The following TMEM132C variants were observed in gnomAD, a reference collection of about 807,000 sequenced individuals.
TMEM132C encodes the protein protein phosphatase 1, regulatory subunit 152.
Under a neutral mutation model 61.4 loss-of-function variants are expected in TMEM132C, and 29 were observed. The ratio of observed to expected loss-of-function variants is 0.47; its 90% CI spans 0.35 to 0.64. TMEM132C has a LOEUF of 0.64. Ranked by LOEUF, TMEM132C falls within the 30% of genes least tolerant of loss-of-function variation. TMEM132C has a pLI of 0.00. For missense variants in TMEM132C, 1,408 were observed against 1,476.9 expected (o/e 0.95, Z 0.76); for synonymous variants, 656 against 633.1 (o/e 1.04, Z -0.54).
At chr12:128,352,259 G>T (rs918422251) in intron 1 of TMEM132C, among the ~76,000 whole-genome samples, 18 of 152,162 alleles carry the variant, frequency 1.2e-4, no homozygotes, top group African/African-American at 3.6e-4. Flanking sequence ...ATGGCAGAAG[G>T]GGGAGCAAAC....
At position 128,357,988 on chromosome 12, in the gene TMEM132C, C is replaced by T. The variant is rs184853303; in HGVS notation, c.86-56744C>T. Among the ~76,000 whole-genome samples the T allele has an allele frequency of 1.8e-3, 273 of 152,194 alleles. 2 individuals carry two copies. Among genetic ancestry groups the T allele is most frequent in the Middle Eastern group, 0.01 (3 of 294 alleles). The stretch of plus-strand genomic sequence containing the variant: ...CTCAGGGGCCAGGAGTGTCCTTGGT[C>T]CCCGGGGGTTTTGTGTCGGCATCAT... On this transcript the variant is annotated intron_variant, in intron 1 of 8. Coordinates refer to ENST00000435159, the MANE Select transcript of TMEM132C (RefSeq NM_001136103.3).
intron 2 of TMEM132C, among the ~76,000 whole-genome samples, chr12:128,416,463 ATG>A (rs766666375): frequency 6.6e-6 from 1 of 152,196 alleles, no homozygotes; most frequent in Non-Finnish European, 1.5e-5. Context: ...TGGGATAAAA[ATG>A]TTTTTTTCTT....
chr12:128,597,574 A>G (rs11834703), intron 3 of TMEM132C, among the ~76,000 whole-genome samples: 15,971 of 152,196 alleles, frequency 0.1, 2,833 homozygotes, highest in African/African-American at 0.36. Context: ...ACATAGATTC[A>G]TTATCTTATT....
At chr12:128,690,609 A>C (rs944837935) in intron 5 of TMEM132C, among the ~76,000 whole-genome samples, 2 of 152,212 alleles carry the variant, frequency 1.3e-5, no homozygotes, top group African/African-American at 4.8e-5. Flanking sequence ...AGAAGTGATT[A>C]CTGATATAAC....
intron 1 of TMEM132C, among the ~76,000 whole-genome samples, chr12:128,293,804 G>T (rs1011640351): frequency 1.3e-5 from 2 of 152,044 alleles, no homozygotes; most frequent in Non-Finnish European, 2.9e-5. Context: ...TATATTTCCC[G>T]CATCGTCTCT....
chr12:128,504,789 G>A (rs964319562), intron 2 of TMEM132C, among the ~76,000 whole-genome samples: 3 of 111,756 alleles, frequency 2.7e-5, no homozygotes, highest in Non-Finnish European at 5.0e-5. Context: ...TGAGGGTTAG[G>A]GCTTAAATTA....
chr12:128,515,592 G>A (rs187811099), intron 2 of TMEM132C, among the ~76,000 whole-genome samples: 3 of 152,314 alleles, frequency 2.0e-5, no homozygotes, highest in Non-Finnish European at 4.4e-5. Flanking sequence ...CCAGCACTTT[G>A]GGAGGCCGAG....
chr12:128,284,533 A>G (rs577230677), intron 1 of TMEM132C, among the ~76,000 whole-genome samples: 1 of 152,332 alleles, frequency 6.6e-6, no homozygotes, highest in African/African-American at 2.4e-5. Flanking sequence ...TGTGAAGCCA[A>G]TCCACATCAA....
chr12:128,527,741 C>T (rs976917888), intron 2 of TMEM132C, among the ~76,000 whole-genome samples: 28 of 145,146 alleles, frequency 1.9e-4, no homozygotes, highest in African/African-American at 7.2e-4. Context: ...GTGTTACATC[C>T]ATACCATTTC....
intron 3 of TMEM132C, among the ~76,000 whole-genome samples, chr12:128,551,487 C>T (rs1036092027): frequency 1.3e-5 from 2 of 152,156 alleles, no homozygotes; most frequent in South Asian, 2.1e-4. Flanking sequence ...CTGAGCATCT[C>T]GGCAGTCAGG....
At chr12:128,303,645 C>T (rs1457506560) in intron 1 of TMEM132C, among the ~76,000 whole-genome samples, 1 of 152,222 alleles carries the variant, frequency 6.6e-6, no homozygotes, top group Non-Finnish European at 1.5e-5. Flanking sequence ...CTGTTCTCAA[C>T]GTTGCTTGCT....
chr12:128,643,481 G>A (rs1954173305), intron 4 of TMEM132C, among the ~76,000 whole-genome samples: 1 of 152,052 alleles, frequency 6.6e-6, no homozygotes, highest in Admixed American at 6.6e-5. Context: ...ACCGAGAGCA[G>A]AGAAAAACTG....
At chr12:128,675,816 G>C (rs1402420291) in intron 5 of TMEM132C, among the ~76,000 whole-genome samples, 2 of 151,262 alleles carry the variant, frequency 1.3e-5, no homozygotes, top group Non-Finnish European at 2.9e-5. Context: ...AGATTAGATA[G>C]ATGGTAGATT....
chr12:128,591,788 A>G (rs935859099), intron 3 of TMEM132C, among the ~76,000 whole-genome samples: 1 of 152,144 alleles, frequency 6.6e-6, no homozygotes, highest in African/African-American at 2.4e-5. Context: ...ACGGTGGCTC[A>G]TGCCTGTAAT....
chr12:128,401,407 A>C (rs1342407735), intron 1 of TMEM132C, among the ~76,000 whole-genome samples: 5 of 152,124 alleles, frequency 3.3e-5, no homozygotes, highest in African/African-American at 1.2e-4. Context: ...AAGTCAAGTA[A>C]TATTTTAACA....
At chr12:128,481,023 A>T (rs1871302613) in intron 2 of TMEM132C, among the ~76,000 whole-genome samples, 1 of 152,162 alleles carries the variant, frequency 6.6e-6, no homozygotes, top group South Asian at 2.1e-4. Context: ...GGCTCATAGT[A>T]GGTGATTAAT....
chr12:128,669,413 G>A lies in TMEM132C; in HGVS notation c.1306-4G>A, dbSNP rs1593142391. 6.4e-7 allele frequency: 1 copy of A among 1,551,286 alleles called. No individual in the cohort carries two copies. On this transcript the variant is annotated splice_polypyrimidine_tract_variant and splice_region_variant and intron_variant, in intron 4 of 8. Transcript: ENST00000435159. ...GACCCAGTGTGTTTGATTCTTTTTGGCAGGACACTGAAATTCTGAACACCG... is the reference window on the plus strand; with the variant it reads ...GACCCAGTGTGTTTGATTCTTTTTGACAGGACACTGAAATTCTGAACACCG...
chr12:128,394,906 C>CGAAAAAA (rs1874889352), intron 1 of TMEM132C, among the ~76,000 whole-genome samples: 1 of 70,002 alleles, frequency 1.4e-5, no homozygotes, highest in South Asian at 5.5e-4. Flanking sequence ...CCCTTATTTT[C>CGAAAAAA]CAAAAAAAAA....
chr12:128,379,433 T>C (rs1874331644), intron 1 of TMEM132C, among the ~76,000 whole-genome samples: 1 of 152,208 alleles, frequency 6.6e-6, no homozygotes, highest in African/African-American at 2.4e-5. Context: ...CTATAACAAA[T>C]GGCAACAAAC....
Sources: gnomAD v4.1 joint callset for allele counts (sites outside exome capture counted in the v4.1 genomes callset) on GRCh38, gnomAD v4.1.1 for gene constraint, MANE v1.5 for transcripts, NCBI Gene and HGNC (gene_info 2026-07-23, HGNC 2026-07-21) for gene names.